The following NPC1 variants were observed in gnomAD, a reference collection of about 807,000 sequenced individuals.
The protein encoded by NPC1 is NPC intracellular cholesterol transporter 1.
In NPC1, 85 loss-of-function variants were observed where a neutral mutation model predicts 140.4. That is an observed-to-expected ratio of 0.61 (90% CI 0.51 to 0.72). The LOEUF (loss-of-function observed/expected upper bound fraction) is 0.72. Ranked by LOEUF, NPC1 falls within the 30% of genes least tolerant of loss-of-function variation. NPC1 has a pLI of 0.00. For synonymous variants in NPC1, 656 were observed against 624.8 expected (o/e 1.05, Z -0.74); for missense variants, 1,504 against 1,623.8 (o/e 0.93, Z 1.27).
chr18:23,533,273 C>T (rs1441447798), intron 24 of NPC1, 82 bp downstream of exon 24: 6 of 1,366,344 alleles, frequency 4.4e-6, no homozygotes, highest in Non-Finnish European at 6.3e-6. Flanking sequence ...AGTTCAAATA[C>T]TTGAAAAGAA....
intron 1 of NPC1, among the ~76,000 whole-genome samples, chr18:23,578,507 G>A (rs2059319090): frequency 6.6e-6 from 1 of 152,208 alleles, no homozygotes; most frequent in Non-Finnish European, 1.5e-5. Context: ...CTCACCAACA[G>A]CTGAAAGTGG....
At chr18:23,554,377 G>A (rs2145444726) in intron 9 of NPC1, among the ~76,000 whole-genome samples, 1 of 152,304 alleles carries the variant, frequency 6.6e-6, no homozygotes, top group East Asian at 1.9e-4. Context: ...AGGCCGAGGT[G>A]GGCGGATCGC....
intron 23 of NPC1, chr18:23,533,863 C>T: frequency 2.7e-6 from 1 of 372,576 alleles, no homozygotes; most frequent in Non-Finnish European, 5.1e-6. Context: ...ACCCAGGTAG[C>T]ATCATCTACT....
intron 3 of NPC1, among the ~76,000 whole-genome samples, chr18:23,514,686 T>C (rs2145179015): frequency 6.6e-6 from 1 of 152,098 alleles, no homozygotes; most frequent in Middle Eastern, 3.4e-3. Context: ...TCTGGGGGAG[T>C]TCCCTATGGT....
At chr18:23,552,391 G>C (rs2058886435) in intron 9 of NPC1, among the ~76,000 whole-genome samples, 1 of 152,228 alleles carries the variant, frequency 6.6e-6, no homozygotes, top group South Asian at 2.1e-4. Context: ...TCTGGGAAGA[G>C]TAATGGACAG....
At chr18:23,536,062 C>T (rs564583517) in intron 21 of NPC1, among the ~76,000 whole-genome samples, 3 of 152,278 alleles carry the variant, frequency 2.0e-5, no homozygotes, top group South Asian at 2.1e-4. Context: ...CAGCGGGGTC[C>T]GTGCAAGGCC....
chr18:23,541,362 G>C lies in NPC1; in HGVS notation c.2317C>G (p.Leu773Val). The change falls in exon 15 of 25, where the codon CTT becomes GTT. Residue 773 changes from leucine to valine, a missense_variant. Transcript: ENST00000269228. ...FAGLAVFIDFLLQITCFVSLL... is the reference protein window; with the variant it reads ...FAGLAVFIDFVLQITCFVSLL... ...CTCACGAAACAGGTAATCTGCAGAAGAAAGTCAATGAAGACTGCCAATCCC... is the reference window on the plus strand; with the variant it reads ...CTCACGAAACAGGTAATCTGCAGAACAAAGTCAATGAAGACTGCCAATCCC... 1.2e-6 allele frequency: 2 copies of C among 1,614,226 alleles called. No individual in the cohort carries two copies. Among genetic ancestry groups the C allele is most frequent in the East Asian group, 2.2e-5 (1 of 44,890 alleles).
chr18:23,532,299 G>T lies in NPC1; in HGVS notation c.3755-15C>A. The stretch of plus-strand genomic sequence containing the variant: ...TACTGATGGCCCTATGAGAGAGAGA[G>T]ACTTTTTCTTATTTCTGCAGGAGAA... On this transcript the variant is annotated splice_polypyrimidine_tract_variant and intron_variant, in intron 24 of 24. Transcript: ENST00000269228. The T allele has an allele frequency of 6.2e-7, 1 of 1,613,824 alleles. No individual in the cohort carries two copies. The highest frequency in any genetic ancestry group is 8.5e-7 in the Non-Finnish European group (1 of 1,179,768).
Position 23,524,035 on chromosome 18 carries a change from A to G in NPC1, c.164-1129T>C, listed in dbSNP as rs534203694. 32 of 1,307,054 alleles carry G rather than the reference A, an allele frequency of 2.4e-5. No individual in the cohort carries two copies. In the East Asian group the frequency reaches 6.0e-4, roughly 24 times the overall value. The allele number at this position is 1,307,054 out of a possible 1,614,324, so 81.0% of individuals were successfully genotyped here. A position where few individuals can be genotyped will look rare whatever the true frequency, so the allele number is the denominator to read the frequency against. On this transcript the variant is annotated intron_variant, in intron 1 of 1. Transcript: ENST00000590723. ...ACTACAATTGAATAAACATTTCGTA[A>G]TGACATTAAAAAGTATTGACTTTTG... is the stretch of plus-strand genomic sequence containing the variant.
chr18:23,537,192 C>T (rs1223733909), intron 20 of NPC1, among the ~76,000 whole-genome samples: 1 of 152,200 alleles, frequency 6.6e-6, no homozygotes, highest in Non-Finnish European at 1.5e-5. Flanking sequence ...GCCTCAGCCT[C>T]CCGAATAGCT....
Position 23,586,399 on chromosome 18 carries a change from G to C in NPC1, c.-56C>G. 1.3e-6 allele frequency: 2 copies of C among 1,528,886 alleles called. No individual in the cohort carries two copies. The highest frequency in any genetic ancestry group is 1.7e-6 in the Non-Finnish European group (2 of 1,144,156). 94.7% of individuals were successfully genotyped at this position (1,528,886 alleles called of 1,614,324 possible). On this transcript the variant is annotated 5_prime_UTR_variant, in exon 1 of 25. Transcript: ENST00000269228. The stretch of plus-strand genomic sequence containing the variant: ...CGGCGTTCGGCTGGTTGGGCTCCCC[G>C]GAGGCGGCTCTACTTCCCCGGGCTG...
At chr18:23,552,990 T>C (rs902581535) in intron 9 of NPC1, among the ~76,000 whole-genome samples, 1 of 152,190 alleles carries the variant, frequency 6.6e-6, no homozygotes, top group African/African-American at 2.4e-5. Context: ...CCACCTGCCA[T>C]TACTGCAGGA....
intron 20 of NPC1, 129 bp downstream of exon 20, chr18:23,538,413 A>G: frequency 1.7e-6 from 2 of 1,165,496 alleles, no homozygotes; most frequent in Admixed American, 3.4e-5. Context: ...GCTTCCACCA[A>G]AGGACCAGGA....
At chr18:23,560,802 TC>T (rs1418938142) in intron 5 of NPC1, among the ~76,000 whole-genome samples, 2 of 152,138 alleles carry the variant, frequency 1.3e-5, no homozygotes, top group Non-Finnish European at 2.9e-5. Flanking sequence ...AAAAGCTGCC[TC>T]CCACCCCCTT....
rs115723627 is a variant in NPC1, at chr18:23,551,316, G to A, written c.1654+311C>T. On this transcript the variant is annotated intron_variant, in intron 10 of 24. Coordinates refer to ENST00000269228, the MANE Select transcript of NPC1 (RefSeq NM_000271.5). The stretch of plus-strand genomic sequence containing the variant: ...CCTAGAGGGTCTATAAATGAACTTC[G>A]GAGGCCCATGACCTTCAAGCTGAAC... Among the ~76,000 whole-genome samples, 1,333 of 152,194 alleles carry A rather than the reference G, an allele frequency of 8.8e-3. 27 individuals are homozygous for A. The highest frequency in any genetic ancestry group is 0.029 in the African/African-American group (1,222 of 41,490).
chr18:23,566,614 T>G (rs1598997579), intron 4 of NPC1, among the ~76,000 whole-genome samples: 1 of 151,488 alleles, frequency 6.6e-6, no homozygotes, highest in Non-Finnish European at 1.5e-5. Context: ...ACACACACAC[T>G]CTATAGATTC....
downstream of NPC1, among the ~76,000 whole-genome samples, chr18:23,524,888 C>G (rs182696499): frequency 2.1e-3 from 319 of 151,398 alleles, 2 homozygotes; most frequent in African/African-American, 7.6e-3. Flanking sequence ...GCTGAGGAAG[C>G]CTCCTCAGTC....
downstream of NPC1, among the ~76,000 whole-genome samples, chr18:23,525,379 C>G (rs2058267674): frequency 6.6e-6 from 1 of 152,134 alleles, no homozygotes; most frequent in African/African-American, 2.4e-5. Context: ...TCCCAAGTAG[C>G]TGGGCCTACA....
downstream of NPC1, chr18:23,518,848 G>C (rs765084659): frequency 8.3e-5 from 130 of 1,573,314 alleles, no homozygotes; most frequent in South Asian, 1.2e-3. Context: ...AAGGAATTTT[G>C]AATGGCCAGA....
Sources: gnomAD v4.1 joint callset for allele counts (sites outside exome capture counted in the v4.1 genomes callset) on GRCh38, gnomAD v4.1.1 for gene constraint, MANE v1.5 for transcripts, NCBI Gene and HGNC (gene_info 2026-07-23, HGNC 2026-07-21) for gene names.